Variants in FAF1 observed in about 807,000 individuals in gnomAD.
FAF1 encodes FAS-associated factor 1.
In FAF1, 25 loss-of-function variants were observed where a neutral mutation model predicts 92.5. The ratio of observed to expected loss-of-function variants is 0.27; its 90% confidence interval spans 0.20 to 0.38. The LOEUF is 0.38. Among genes scored for constraint, FAF1 ranks in the 10% least tolerant of loss-of-function variants. The pLI is 1.00. For missense variants in FAF1, 636 were observed against 793.3 expected (o/e 0.80, Z 2.38); for synonymous variants, 234 against 273.2 (o/e 0.86, Z 1.42).
At chr1:50,522,033 G>A (rs1374782780) in intron 15 of FAF1, among the ~76,000 whole-genome samples, 1 of 152,200 alleles carries the variant, frequency 6.6e-6, no homozygotes, top group African/African-American at 2.4e-5. Flanking sequence ...AACAACAAAT[G>A]TAAACAGGGA....
chr1:50,798,233 T>A (rs6670461), intron 3 of FAF1, among the ~76,000 whole-genome samples: 1 of 152,198 alleles, frequency 6.6e-6, no homozygotes, highest in Non-Finnish European at 1.5e-5. Flanking sequence ...GAAAGCCTAA[T>A]GGTCAAGGTT....
chr1:50,866,184 T>A (rs1423243153), intron 1 of FAF1, among the ~76,000 whole-genome samples: 1 of 152,026 alleles, frequency 6.6e-6, no homozygotes, highest in East Asian at 1.9e-4. Flanking sequence ...AAAATCAGCA[T>A]AGAAAGGACA....
intron 4 of FAF1, among the ~76,000 whole-genome samples, chr1:50,764,907 G>A (rs898588260): frequency 6.6e-6 from 1 of 152,170 alleles, no homozygotes; most frequent in African/African-American, 2.4e-5. Flanking sequence ...AATTTTACAT[G>A]AAAATGTCTA....
chr1:50,836,168 C>CTGTTTTTT (rs1557551119), intron 2 of FAF1, among the ~76,000 whole-genome samples: 6 of 75,548 alleles, frequency 7.9e-5, no homozygotes, highest in East Asian at 2.7e-4. Flanking sequence ...TTTTTTGTTT[C>CTGTTTTTT]TGTTTTTTTT....
intron 4 of FAF1, among the ~76,000 whole-genome samples, chr1:50,759,648 G>A (rs947574147): frequency 1.3e-5 from 2 of 152,132 alleles, no homozygotes; most frequent in African/African-American, 4.8e-5. Context: ...ATGATTTATA[G>A]TCCTTTGCAT....
intron 8 of FAF1, among the ~76,000 whole-genome samples, chr1:50,609,164 A>G (rs921848620): frequency 4.6e-5 from 7 of 152,224 alleles, no homozygotes; most frequent in Admixed American, 3.3e-4. Context: ...GCTTTGATAA[A>G]GCCAATAATT....
intron 4 of FAF1, among the ~76,000 whole-genome samples, chr1:50,761,267 G>C (rs1214498060): frequency 6.6e-6 from 1 of 152,144 alleles, no homozygotes; most frequent in African/African-American, 2.4e-5. Context: ...GTATAAGGAG[G>C]AACTGGTACC....
chr1:50,718,063 A>C (rs1399234928), intron 6 of FAF1, among the ~76,000 whole-genome samples: 1 of 151,538 alleles, frequency 6.6e-6, no homozygotes, highest in Non-Finnish European at 1.5e-5. Context: ...TTTGTCACCC[A>C]GGCTGGAGTG....
chr1:50,738,910 A>G lies in FAF1; in HGVS notation c.504T>C (p.Tyr168=). The G allele has an allele frequency of 1.2e-6, 2 of 1,610,286 alleles. No homozygotes were observed. Among genetic ancestry groups the G allele is most frequent in the Non-Finnish European group, 8.5e-7 (1 of 1,177,824 alleles). ...GTGGTGGCAAATCTGGTGTAAGGAC[A>G]TAAAGACTGTTGTTTTTTGGCAAGT... ...SLHLPKNNSL[Y]VLTPDLPPPS... is the part of the protein sequence containing the mutation. Residue 168 remains tyrosine (Y), a synonymous_variant, in exon 6 of 19, where the codon TAT becomes TAC. Transcript: ENST00000396153.
At chr1:50,766,509 C>T (rs145750554) in intron 4 of FAF1, among the ~76,000 whole-genome samples, 1 of 152,040 alleles carries the variant, frequency 6.6e-6, no homozygotes, top group African/African-American at 2.4e-5. Context: ...GGATGAACAT[C>T]TGCTGCCACC....
At chr1:50,757,186 GC>G (rs1660110560) in intron 4 of FAF1, among the ~76,000 whole-genome samples, 1 of 152,128 alleles carries the variant, frequency 6.6e-6, no homozygotes, top group Admixed American at 6.5e-5. Context: ...ATGATCAACT[GC>G]CCAAGAAAAG....
intron 4 of FAF1, among the ~76,000 whole-genome samples, chr1:50,779,567 GATAA>G (rs1161891738): frequency 1.3e-5 from 2 of 151,248 alleles, no homozygotes; most frequent in South Asian, 2.1e-4. Flanking sequence ...TTAGATATGA[GATAA>G]ATATAGAAAA....
intron 1 of FAF1, among the ~76,000 whole-genome samples, chr1:50,932,547 G>A (rs543019413): frequency 2.0e-5 from 3 of 152,338 alleles, no homozygotes; most frequent in Admixed American, 6.5e-5. Flanking sequence ...GGGCAGCTCC[G>A]CGCCTGTGGC....
At chr1:50,538,110 T>TA (rs369809246) in intron 14 of FAF1, among the ~76,000 whole-genome samples, 311 of 146,980 alleles carry the variant, frequency 2.1e-3, no homozygotes, top group African/African-American at 6.0e-3. Flanking sequence ...TATAGGATAT[T>TA]AAAAAAAAAA....
intron 8 of FAF1, among the ~76,000 whole-genome samples, chr1:50,607,794 T>C (rs1383194169): frequency 6.6e-6 from 1 of 152,246 alleles, no homozygotes; most frequent in Non-Finnish European, 1.5e-5. Context: ...ATCTTCCAGA[T>C]AAACCTCATT....
At chr1:50,689,393 G>A (rs1012275059) in intron 7 of FAF1, among the ~76,000 whole-genome samples, 8 of 152,150 alleles carry the variant, frequency 5.3e-5, no homozygotes, top group African/African-American at 7.2e-5. Context: ...GACCATCCTC[G>A]CTAACACAGT....
intron 15 of FAF1, among the ~76,000 whole-genome samples, chr1:50,530,339 T>C (rs974876300): frequency 1.9e-4 from 29 of 151,388 alleles, no homozygotes; most frequent in African/African-American, 7.0e-4. Context: ...AAGAGTAAAA[T>C]CTCCTTTTAA....
intron 13 of FAF1, among the ~76,000 whole-genome samples, chr1:50,561,804 G>A (rs1342738545): frequency 6.6e-6 from 1 of 151,944 alleles, no homozygotes; most frequent in Admixed American, 6.6e-5. Flanking sequence ...CAGCCTGGGT[G>A]ACAGAGCGAG....
chr1:50,716,940 C>T (rs1264974178), intron 6 of FAF1, among the ~76,000 whole-genome samples: 2 of 152,180 alleles, frequency 1.3e-5, no homozygotes, highest in Non-Finnish European at 2.9e-5. Flanking sequence ...TTTGGGTCTG[C>T]ACCACCTTTA....
Sources: gnomAD v4.1 joint callset for allele counts (sites outside exome capture counted in the v4.1 genomes callset) on GRCh38, gnomAD v4.1.1 for gene constraint, MANE v1.5 for transcripts, NCBI Gene and HGNC (gene_info 2026-07-23, HGNC 2026-07-21) for gene names.